The following SUGP1 variants were observed in gnomAD, a reference collection of about 807,000 sequenced individuals.
SUGP1 encodes SURP and G-patch domain containing 1.
Under a neutral mutation model 76.5 loss-of-function variants are expected in SUGP1, and 34 were observed. The observed-to-expected ratio is 0.44, with a 90% confidence interval of 0.34 to 0.59. SUGP1 has a LOEUF of 0.59. Among genes scored for constraint, SUGP1 ranks in the 20% least tolerant of loss-of-function variants. SUGP1 has a pLI of 0.01. For missense variants in SUGP1, 752 were observed against 851.7 expected, an observed-to-expected ratio of 0.88 and a Z score of 1.46; for synonymous variants, 326 against 326.2, an observed-to-expected ratio of 1.00 and a Z score of 0.01.
chr19:19,280,481 C>G (rs1175760885), intron 8 of SUGP1, 190 bp from the exon 9 acceptor site: 2 of 587,374 alleles, frequency 3.4e-6, no homozygotes, highest in Non-Finnish European at 6.1e-6. Context: ...ACGTGCACCC[C>G]CGCATCTTAC....
At chr19:19,285,451 G>A (rs1423576018) in intron 8 of SUGP1, among the ~76,000 whole-genome samples, 2 of 152,168 alleles carry the variant, frequency 1.3e-5, no homozygotes, top group African/African-American at 4.8e-5. Context: ...ACAGGCATGA[G>A]CCACTGTACC....
At chr19:19,278,406 C>T (rs775942794) in intron 11 of SUGP1, among the ~76,000 whole-genome samples, 3 of 152,182 alleles carry the variant, frequency 2.0e-5, no homozygotes, top group South Asian at 2.1e-4. Context: ...GGACTTCTGC[C>T]GGAGAAACAC....
In SUGP1 at chr19:19,306,026, C is replaced by T. The variant is rs369935862; in HGVS notation, c.361G>A (p.Ala121Thr). The change falls in exon 4 of 14, where the codon GCT becomes ACT. Residue 121 changes from alanine (A) to threonine (T), a missense_variant. Physicochemically the swap from Ala to Thr is moderately conservative, Grantham distance 58. Coordinates refer to ENST00000247001, the MANE Select transcript of SUGP1 (RefSeq NM_172231.4). ...SAPPSTPTPS[A>T]GKRSLLISRR... The stretch of plus-strand genomic sequence containing the variant: ...CTGATGAGCAGGGACCTCTTCCCAG[C>T]GCTGGGGGTGGGTGTGCTGGGAGGG... 3.7e-5 allele frequency: 60 copies of T among 1,611,174 alleles called. No homozygotes were observed. The highest frequency in any genetic ancestry group is 2.5e-4 in the East Asian group (11 of 44,824).
chr19:19,302,853 T>C (rs911773625), intron 6 of SUGP1, among the ~76,000 whole-genome samples: 1 of 152,150 alleles, frequency 6.6e-6, no homozygotes, highest in Admixed American at 6.5e-5. Flanking sequence ...GGATTTTATG[T>C]CATTGCAGTC....
Position 19,305,947 on chromosome 19 carries a change from GA to G in SUGP1, c.439del (p.Ser147ProfsTer45). On this transcript the variant is annotated frameshift_variant, in exon 4 of 14. Transcript: ENST00000247001. LOFTEE classifies it high-confidence loss of function. ...ASLPGPVKSYSHAKQLPVAHR... is the reference protein window; with the variant it reads ...ASLPGPVKSYXHAKQLPVAHR... Reference sequence around the variant, plus strand: ...CGCCACGGGCAGCTGCTTGGCGTGGGAGTAGCTCTTCACAGGGCCCGGCAGG... The same window carrying G: ...CGCCACGGGCAGCTGCTTGGCGTGGGGTAGCTCTTCACAGGGCCCGGCAGG... 6.2e-7 allele frequency: 1 copy of G among 1,613,214 alleles called. No individual in the cohort carries two copies. Among genetic ancestry groups the G allele is most frequent in the Non-Finnish European group, 8.5e-7 (1 of 1,179,960 alleles).
intron 9 of SUGP1, 41 bp downstream of exon 9, chr19:19,280,144 G>T: frequency 6.3e-7 from 1 of 1,588,768 alleles, no homozygotes; most frequent in Non-Finnish European, 8.6e-7. Flanking sequence ...CACTCTATGG[G>T]CGCCGACCAT....
chr19:19,305,996 G>A lies in SUGP1; in HGVS notation c.391C>T (p.Arg131Trp), dbSNP rs746524142. 13 of 1,611,462 alleles carry A rather than the reference G, an allele frequency of 8.1e-6. No individual in the cohort carries two copies. The highest frequency in any genetic ancestry group is 1.6e-4 in the Middle Eastern group (1 of 6,068). ...AGGCTGGCCAGCCCCAGGCCTGTCC[G>A]CCTGCTGATGAGCAGGGACCTCTTC... Reference protein sequence around the residue: ...AGKRSLLISRRTGLGLASLPG... With the variant: ...AGKRSLLISRWTGLGLASLPG... Residue 131 changes from arginine to tryptophan, a missense_variant, in exon 4 of 14, where the codon CGG (arginine) becomes TGG (tryptophan). Transcript: ENST00000247001.
intron 2 of SUGP1, among the ~76,000 whole-genome samples, chr19:19,310,436 A>AAT (rs1281074004): frequency 1.3e-5 from 2 of 152,186 alleles, no homozygotes; most frequent in Non-Finnish European, 2.9e-5. Context: ...TGATAAAAGC[A>AAT]ATACTCCATG....
intron 2 of SUGP1, among the ~76,000 whole-genome samples, chr19:19,311,726 CAAAAAAAAAA>C (rs55707664): frequency 3.9e-5 from 3 of 77,260 alleles, no homozygotes; most frequent in Admixed American, 2.9e-4. Flanking sequence ...GACTCTGTCT[CAAAAAAAAAA>C]AAAAAAAAAA....
intron 7 of SUGP1, 124 bp downstream of exon 7, chr19:19,302,141 T>C: frequency 4.8e-6 from 7 of 1,465,500 alleles, no homozygotes; most frequent in Admixed American, 2.0e-5. Flanking sequence ...CAGAGACTCT[T>C]GGACCTGCCA....
At chr19:19,311,054 ATTTTTT>A (rs35467129) in intron 2 of SUGP1, among the ~76,000 whole-genome samples, 2 of 137,852 alleles carry the variant, frequency 1.5e-5, no homozygotes, top group Non-Finnish European at 3.2e-5. Context: ...TAATTTTTTA[ATTTTTT>A]TTTTTTTTTT....
chr19:19,311,411 G>A (rs1387384064), intron 2 of SUGP1, among the ~76,000 whole-genome samples: 2 of 151,878 alleles, frequency 1.3e-5, no homozygotes, highest in African/African-American at 4.8e-5. Flanking sequence ...CAGCAAGATT[G>A]CTTTGGCTGT....
chr19:19,302,600 GGA>G (rs1417420710), intron 6 of SUGP1: 4 of 658,204 alleles, frequency 6.1e-6, no homozygotes, highest in Non-Finnish European at 9.9e-6. Flanking sequence ...GTCCCACAAG[GGA>G]GGTCAAGAGG....
chr19:19,300,644 C>A (rs1227411194), intron 7 of SUGP1, among the ~76,000 whole-genome samples: 1 of 152,170 alleles, frequency 6.6e-6, no homozygotes, highest in East Asian at 1.9e-4. Context: ...GTCGTCCCCC[C>A]GACCCACCCA....
intron 8 of SUGP1, among the ~76,000 whole-genome samples, chr19:19,296,080 G>C (rs1376965602): frequency 1.3e-5 from 2 of 152,188 alleles, no homozygotes; most frequent in Non-Finnish European, 2.9e-5. Context: ...ACTTTGGGAG[G>C]CCGAGGCAGG....
intron 8 of SUGP1, among the ~76,000 whole-genome samples, chr19:19,295,605 CAAAAAAAAAAA>C (rs55921805): frequency 1.3e-4 from 9 of 66,812 alleles, no homozygotes; most frequent in East Asian, 6.1e-4. Context: ...GACTCCTTCT[CAAAAAAAAAAA>C]AAAAAAAAAA....
In SUGP1 at chr19:19,316,153, C is replaced by G. The variant is rs1191617267; in HGVS notation, c.206+269G>C. 7.5e-6 allele frequency: 3 copies of G among 399,018 alleles called. No homozygotes were observed. In the Admixed American group the frequency reaches 1.3e-4, roughly 17 times the overall value. The allele number at this position is 399,018 out of a possible 1,614,324, so 24.7% of individuals were successfully genotyped here. On this transcript the variant is annotated intron_variant, in intron 2 of 13. Coordinates refer to ENST00000247001, the MANE Select transcript of SUGP1 (RefSeq NM_172231.4). The stretch of plus-strand genomic sequence containing the variant: ...TGAACTCAAGGCAGAGATTTTTACT[C>G]TGTTATACCCCTTCCCTCTGCACCA...
In SUGP1 at chr19:19,278,914, A is replaced by C. The variant is rs1229002483; in HGVS notation, c.1529-118T>G. Reference sequence around the variant, plus strand: ...GGGAGCCTGGGGCCCCCAGGGAAGGAGGCGGCTAGGCCATGACCCCAGCCC... The same window carrying C: ...GGGAGCCTGGGGCCCCCAGGGAAGGCGGCGGCTAGGCCATGACCCCAGCCC... On this transcript the variant is annotated intron_variant, in intron 10 of 13. Coordinates refer to ENST00000247001, the MANE Select transcript of SUGP1 (RefSeq NM_172231.4). 2.9e-5 allele frequency: 30 copies of C among 1,050,496 alleles called. No homozygotes were observed. The East Asian group carries it at 7.8e-4, about 27-fold the overall frequency. The allele number at this position is 1,050,496 out of a possible 1,614,324, so 65.1% of individuals were successfully genotyped here.
chr19:19,290,494 A>C (rs1189980658), intron 8 of SUGP1, among the ~76,000 whole-genome samples: 4 of 151,902 alleles, frequency 2.6e-5, no homozygotes, highest in African/African-American at 9.7e-5. Context: ...AAATATAAAA[A>C]TTAGCCGGGC....
Sources: gnomAD v4.1 joint callset for allele counts (sites outside exome capture counted in the v4.1 genomes callset) on GRCh38, gnomAD v4.1.1 for gene constraint, MANE v1.5 for transcripts, NCBI Gene and HGNC (gene_info 2026-07-23, HGNC 2026-07-21) for gene names.